Variants in FAM163A observed in about 807,000 individuals in gnomAD.
The protein encoded by FAM163A is family with sequence similarity 163 member A.
In FAM163A, 7 loss-of-function variants were observed where a neutral mutation model predicts 12.0. The observed-to-expected ratio is 0.58, with a 90% CI of 0.33 to 1.10. FAM163A has a LOEUF of 1.10. Ranked by LOEUF, FAM163A falls within the 50% of genes least tolerant of loss-of-function variation. The pLI is 0.03. For synonymous variants in FAM163A, 101 were observed against 91.0 expected, an observed-to-expected ratio of 1.11 and a Z score of -0.62; for missense variants, 202 against 218.6, an observed-to-expected ratio of 0.92 and a Z score of 0.48.
Position 179,792,234 on chromosome 1 carries a change from C to T in FAM163A, c.-135-15564C>T, listed in dbSNP as rs1016602601. Among the ~76,000 whole-genome samples the T allele has an allele frequency of 2.0e-5, 3 of 152,088 alleles. No homozygotes were observed. In the South Asian group the frequency reaches 6.2e-4, roughly 31 times the overall value. On this transcript the variant is annotated intron_variant, in intron 1 of 4. Transcript: ENST00000341785. ...TTCTGGGCTCAAGCAATCCTCCTGC[C>T]TCAGCCTCCTGAGTAGCTGGGACTA... is the stretch of plus-strand genomic sequence containing the variant.
chr1:179,754,136 T>C (rs1685681685), intron 1 of FAM163A, among the ~76,000 whole-genome samples: 1 of 152,162 alleles, frequency 6.6e-6, no homozygotes, highest in African/African-American at 2.4e-5. Flanking sequence ...GTCTCTTTTT[T>C]TTTCTAAGCA....
intron 1 of FAM163A, among the ~76,000 whole-genome samples, chr1:179,806,436 C>T (rs764301917): frequency 5.3e-5 from 8 of 152,020 alleles, no homozygotes; most frequent in African/African-American, 1.4e-4. Context: ...AGAGGTGATA[C>T]GGGGACAGGG....
rs12068372 is a variant in FAM163A, at chr1:179,764,650, C to T, written c.-136+21227C>T. Among the ~76,000 whole-genome samples the T allele has an allele frequency of 9.3e-3, 1,410 of 152,264 alleles. 16 individuals are homozygous for T. The highest frequency in any genetic ancestry group is 0.032 in the African/African-American group (1,312 of 41,542). ...CTCGGCAAACCAGGATGGTTGTTCG[C>T]CCTAGAGGTATGTAACTGCTTCAGA... On this transcript the variant is annotated intron_variant, in intron 1 of 4. Coordinates refer to ENST00000341785, the MANE Select transcript of FAM163A (RefSeq NM_173509.3).
At chr1:179,745,367 A>G (rs1684324727) in intron 1 of FAM163A, among the ~76,000 whole-genome samples, 1 of 152,172 alleles carries the variant, frequency 6.6e-6, no homozygotes, top group African/African-American at 2.4e-5. Context: ...CTGTAACTGG[A>G]AATGACCCCG....
intron 2 of FAM163A, among the ~76,000 whole-genome samples, chr1:179,810,578 C>T (rs1310577130): frequency 6.6e-6 from 1 of 152,178 alleles, no homozygotes; most frequent in East Asian, 1.9e-4. Flanking sequence ...TTTCACTCAG[C>T]TTTTAGGATT....
chr1:179,814,234 G>A lies in FAM163A; in HGVS notation c.*45G>A. ...CACACACACCCACACTGCTGCCCTG[G>A]CGGGGGCCATGGGGGTGATGAATGA... On this transcript the variant is annotated 3_prime_UTR_variant, in exon 5 of 5. Transcript: ENST00000341785. The A allele has an allele frequency of 6.5e-7, 1 of 1,548,446 alleles. No homozygotes were observed. Among genetic ancestry groups the A allele is most frequent in the East Asian group, 2.3e-5 (1 of 44,088 alleles).
intron 1 of FAM163A, among the ~76,000 whole-genome samples, chr1:179,767,467 A>G (rs11812078): frequency 0.11 from 17,336 of 152,082 alleles, 1,091 homozygotes; most frequent in Non-Finnish European, 0.13. Flanking sequence ...TATACTACAC[A>G]TTTGTATCTG....
At chr1:179,782,073 G>T (rs947333985) in intron 1 of FAM163A, among the ~76,000 whole-genome samples, 1 of 152,086 alleles carries the variant, frequency 6.6e-6, no homozygotes, top group Admixed American at 6.6e-5. Context: ...TGGAGAAGGC[G>T]CCTCTACCAG....
At chr1:179,811,106 G>A (rs1694641791) in intron 2 of FAM163A, among the ~76,000 whole-genome samples, 1 of 152,114 alleles carries the variant, frequency 6.6e-6, no homozygotes, top group African/African-American at 2.4e-5. Flanking sequence ...AGAAAGGGAG[G>A]TGAGGAGGGA....
chr1:179,781,754 T>C (rs1164594980), intron 1 of FAM163A, among the ~76,000 whole-genome samples: 1 of 151,846 alleles, frequency 6.6e-6, no homozygotes, highest in Non-Finnish European at 1.5e-5. Flanking sequence ...GCCAACATGG[T>C]GAAACCCCGT....
At chr1:179,768,254 T>A (rs1175778387) in intron 1 of FAM163A, among the ~76,000 whole-genome samples, 1 of 152,208 alleles carries the variant, frequency 6.6e-6, no homozygotes, top group Non-Finnish European at 1.5e-5. Flanking sequence ...TTTGGGTCAC[T>A]TCCTCAGAAG....
chr1:179,782,703 T>C (rs1361777577), intron 1 of FAM163A, among the ~76,000 whole-genome samples: 10 of 152,110 alleles, frequency 6.6e-5, no homozygotes, highest in Non-Finnish European at 8.8e-5. Context: ...TAAAGAACAT[T>C]AGAGCCAGAG....
chr1:179,803,583 T>A (rs1693493013), intron 1 of FAM163A, among the ~76,000 whole-genome samples: 1 of 152,132 alleles, frequency 6.6e-6, no homozygotes, highest in Non-Finnish European at 1.5e-5. Context: ...TATTTTTTAT[T>A]TTAAGACAGA....
chr1:179,767,525 TCTC>T (rs1687673941), intron 1 of FAM163A, among the ~76,000 whole-genome samples: 1 of 152,118 alleles, frequency 6.6e-6, no homozygotes, highest in South Asian at 2.1e-4. Context: ...CTGGGAGCCT[TCTC>T]CTTTTTTCCC....
chr1:179,810,775 G>A (rs1179676816), intron 2 of FAM163A, among the ~76,000 whole-genome samples: 1 of 152,148 alleles, frequency 6.6e-6, no homozygotes, highest in Non-Finnish European at 1.5e-5. Context: ...GCTCACACTT[G>A]TAATCCCAGC....
intron 1 of FAM163A, among the ~76,000 whole-genome samples, chr1:179,747,660 T>A (rs1162582062): frequency 6.6e-6 from 1 of 152,236 alleles, no homozygotes; most frequent in Non-Finnish European, 1.5e-5. Flanking sequence ...CTCCCTTCAC[T>A]GACTTTTCCA....
At chr1:179,750,720 A>G (rs1268012262) in intron 1 of FAM163A, among the ~76,000 whole-genome samples, 1 of 152,228 alleles carries the variant, frequency 6.6e-6, no homozygotes, top group Non-Finnish European at 1.5e-5. Context: ...CAGTAGGATG[A>G]CAGATTTTCT....
chr1:179,794,332 A>G (rs1691958867), intron 1 of FAM163A, among the ~76,000 whole-genome samples: 1 of 152,222 alleles, frequency 6.6e-6, no homozygotes, highest in African/African-American at 2.4e-5. Context: ...GTCCTGGTTT[A>G]TGCCAGTTGT....
At chr1:179,791,943 C>T (rs577082034) in intron 1 of FAM163A, among the ~76,000 whole-genome samples, 98 of 152,244 alleles carry the variant, frequency 6.4e-4, no homozygotes, top group African/African-American at 2.0e-3. Context: ...ATTCCGATGT[C>T]TTCCTGTTCC....
Sources: allele counts gnomAD v4.1 joint callset (sites outside exome capture counted in the v4.1 genomes callset), GRCh38; gene constraint gnomAD v4.1.1; transcripts MANE v1.5; gene names NCBI Gene and HGNC (gene_info 2026-07-23, HGNC 2026-07-21).